The following SHROOM3 variants were observed in gnomAD, a reference collection of about 807,000 sequenced individuals.
SHROOM3 encodes the protein shroom family member 3.
In SHROOM3, 47 loss-of-function variants were observed where a neutral mutation model predicts 138.6. The observed-to-expected ratio is 0.34, with a 90% CI of 0.27 to 0.43. The LOEUF is 0.43. SHROOM3 is among the 20% of genes least tolerant of loss of function. The pLI is 1.00. For missense variants in SHROOM3, 2,491 were observed against 2,596.5 expected, an observed-to-expected ratio of 0.96 and a Z score of 0.88; for synonymous variants, 1,062 against 1,063.3, an observed-to-expected ratio of 1.00 and a Z score of 0.02.
intron 1 of SHROOM3, among the ~76,000 whole-genome samples, chr4:76,505,667 T>A (rs934719626): frequency 6.6e-6 from 1 of 151,118 alleles, no homozygotes; most frequent in African/African-American, 2.4e-5. Flanking sequence ...TGACTTTTTT[T>A]TTTTTTTTTT....
chr4:76,779,025 G>A lies in SHROOM3; in HGVS notation c.5839G>A (p.Glu1947Lys). The change falls in exon 11 of 11, where the codon GAG becomes AAG. Residue 1947 changes from glutamate (E) to lysine (K), a missense_variant. By Grantham distance (56) the Glu-to-Lys change is moderately conservative. This residue lies in a region of SHROOM3 where 470 missense variants were observed against 595.0 expected (regional missense o/e 0.79). Transcript: ENST00000296043. Reference sequence around the variant, plus strand: ...GGATGACAAGATCAAGCTGGGCCAGGAGCAGGTCAAGTGTCTGCTGGAGAG... The same window carrying A: ...GGATGACAAGATCAAGCTGGGCCAGAAGCAGGTCAAGTGTCTGCTGGAGAG... ...KLDDKIKLGQ[E>K]QVKCLLESLP... 1.2e-6 allele frequency: 2 copies of A among 1,614,200 alleles called. No individual in the cohort carries two copies. Among genetic ancestry groups the A allele is most frequent in the Non-Finnish European group, 1.7e-6 (2 of 1,180,038 alleles).
At chr4:76,446,463 A>C (rs957855580) in intron 1 of SHROOM3, among the ~76,000 whole-genome samples, 1 of 152,016 alleles carries the variant, frequency 6.6e-6, no homozygotes, top group African/African-American at 2.4e-5. Flanking sequence ...TGGGAGTTCA[A>C]CTGGGCTCTC....
chr4:76,522,452 T>G (rs1437325717), intron 1 of SHROOM3, among the ~76,000 whole-genome samples: 1 of 152,022 alleles, frequency 6.6e-6, no homozygotes, highest in Non-Finnish European at 1.5e-5. Flanking sequence ...GAACAGTGCC[T>G]AGGGCACTGT....
At chr4:76,454,401 TC>T (rs1313631640) in intron 1 of SHROOM3, among the ~76,000 whole-genome samples, 1 of 152,208 alleles carries the variant, frequency 6.6e-6, no homozygotes, top group African/African-American at 2.4e-5. Flanking sequence ...TATGTGGATA[TC>T]CAGTTTTTTC....
intron 2 of SHROOM3, among the ~76,000 whole-genome samples, chr4:76,635,046 A>G (rs756426830): frequency 6.6e-6 from 1 of 152,192 alleles, no homozygotes; most frequent in African/African-American, 2.4e-5. Flanking sequence ...TGCAGGGGCC[A>G]GAAGAGAACG....
chr4:76,647,671 G>A (rs995943393), intron 2 of SHROOM3, among the ~76,000 whole-genome samples: 2 of 152,194 alleles, frequency 1.3e-5, no homozygotes, highest in Admixed American at 6.5e-5. Context: ...AAGGCAGGCA[G>A]ATCGCTTGAG....
At position 76,595,843 on chromosome 4, in the gene SHROOM3, A is replaced by C. The variant is rs576725477; in HGVS notation, c.323+40080A>C. Among the ~76,000 whole-genome samples, 6 of 152,322 alleles carry C rather than the reference A, an allele frequency of 3.9e-5. No homozygotes were observed. In the East Asian group the frequency reaches 1.2e-3, roughly 29 times the overall value. ...ACAATTATGAGGGCCTGTTTTAGAT[A>C]AGCAAGTTTCTAAGCCAGGCAAATC... On this transcript the variant is annotated intron_variant, in intron 2 of 10. Transcript: ENST00000296043.
At chr4:76,597,126 A>G (rs1429539059) in intron 2 of SHROOM3, among the ~76,000 whole-genome samples, 1 of 152,242 alleles carries the variant, frequency 6.6e-6, no homozygotes, top group Non-Finnish European at 1.5e-5. Context: ...AAAGAGACTC[A>G]GCAAAAGAGA....
intron 2 of SHROOM3, among the ~76,000 whole-genome samples, chr4:76,679,687 T>C (rs917633045): frequency 6.6e-6 from 1 of 152,284 alleles, no homozygotes; most frequent in Middle Eastern, 3.4e-3. Context: ...CAGAAAATAA[T>C]ATTCTCACTT....
chr4:76,779,323 AAGC>A lies in SHROOM3; in HGVS notation c.*147_*149del. 1 of 1,133,486 alleles carries A rather than the reference AAGC, an allele frequency of 8.8e-7. No individual in the cohort carries two copies. The highest frequency in any genetic ancestry group is 1.2e-6 in the Non-Finnish European group (1 of 821,232). The allele number at this position is 1,133,486 out of a possible 1,614,324, so 70.2% of individuals were successfully genotyped here. On this transcript the variant is annotated 3_prime_UTR_variant, in exon 11 of 11. Transcript: ENST00000296043. ...AAGGAAAAAAATTCTCTCCAGGAGGAAGCCTTTTTCCTTCTTGCCCTTCCTGAT... is the reference window on the plus strand; with the variant it reads ...AAGGAAAAAAATTCTCTCCAGGAGGACTTTTTCCTTCTTGCCCTTCCTGAT...
chr4:76,623,849 G>A (rs754023367), intron 2 of SHROOM3, among the ~76,000 whole-genome samples: 15 of 152,242 alleles, frequency 9.9e-5, no homozygotes, highest in East Asian at 1.9e-4. Flanking sequence ...AGATCTGGGC[G>A]GGGGAAGGGG....
intron 1 of SHROOM3, among the ~76,000 whole-genome samples, chr4:76,505,646 A>G (rs1732194204): frequency 6.6e-6 from 1 of 150,474 alleles, no homozygotes; most frequent in Admixed American, 6.6e-5. Context: ...TTTACCTTGT[A>G]TTAGGTATTG....
At chr4:76,639,761 T>C (rs1393626915) in intron 2 of SHROOM3, 1 of 395,342 alleles carries the variant, frequency 2.5e-6, no homozygotes, top group African/African-American at 2.1e-5. Flanking sequence ...CTTCCCCCGT[T>C]AAGTAAATGG....
At chr4:76,567,922 C>G (rs112116037) in intron 2 of SHROOM3, among the ~76,000 whole-genome samples, 10 of 150,954 alleles carry the variant, frequency 6.6e-5, no homozygotes, top group African/African-American at 2.0e-4. Context: ...AATTAAAAAT[C>G]TCCTCAATTA....
Position 76,459,961 on chromosome 4 carries a change from G to T in SHROOM3, c.168+23741G>T, listed in dbSNP as rs1416200071. Among the ~76,000 whole-genome samples the T allele has an allele frequency of 3.9e-5, 6 of 152,116 alleles. No homozygotes were observed. In the East Asian group the frequency reaches 9.7e-4, roughly 25 times the overall value. On this transcript the variant is annotated intron_variant, in intron 1 of 10. Coordinates refer to ENST00000296043, the MANE Select transcript of SHROOM3 (RefSeq NM_020859.4). ...TGTGCTGCTGCTTCTTATTTACAAG[G>T]TTCTTGTGAGGATCAAACAGAGGTA...
intron 9 of SHROOM3, among the ~76,000 whole-genome samples, chr4:76,761,195 T>C (rs58977015): frequency 0.18 from 26,404 of 150,730 alleles, 2,794 homozygotes; most frequent in African/African-American, 0.29. Flanking sequence ...CTTCCAACCC[T>C]CTTTTATTCC....
chr4:76,478,533 G>A (rs1321228296), intron 1 of SHROOM3, among the ~76,000 whole-genome samples: 1 of 152,232 alleles, frequency 6.6e-6, no homozygotes, highest in African/African-American at 2.4e-5. Flanking sequence ...CTGGGGGAAG[G>A]GGCAGCTATG....
intron 1 of SHROOM3, among the ~76,000 whole-genome samples, chr4:76,517,698 A>T (rs770321455): frequency 6.6e-6 from 1 of 151,952 alleles, no homozygotes; most frequent in African/African-American, 2.4e-5. Flanking sequence ...CTTCAACAAT[A>T]TGGGTTCTGT....
intron 10 of SHROOM3, among the ~76,000 whole-genome samples, chr4:76,775,321 G>GGTGTGTGTGTGTGTGTGTGT (rs57294282): frequency 1.3e-4 from 19 of 149,110 alleles, no homozygotes; most frequent in African/African-American, 4.4e-4. Context: ...TAGTCCATGG[G>GGTGTGTGTGTGTGTGTGTGT]GTGTGTGTGT....
Sources: gnomAD v4.1 joint callset for allele counts (sites outside exome capture counted in the v4.1 genomes callset) on GRCh38, gnomAD v4.1.1 for gene constraint, gnomAD v4.1.1 regional missense constraint, MANE v1.5 for transcripts, NCBI Gene and HGNC (gene_info 2026-07-23, HGNC 2026-07-21) for gene names.